The following LAMA2 variants were observed in gnomAD, a reference collection of about 807,000 sequenced individuals.
The protein encoded by LAMA2 is laminin subunit alpha 2, also known as laminin subunit alpha-2.
In LAMA2, 269 loss-of-function variants were observed where a neutral mutation model predicts 364.8. That is an observed-to-expected ratio of 0.74 (90% CI 0.67 to 0.82). The LOEUF is 0.82. Among genes scored for constraint, LAMA2 ranks in the 40% least tolerant of loss-of-function variants. LAMA2 has a pLI of 0.00. For synonymous variants in LAMA2, 1,379 were observed against 1,370.6 expected, an observed-to-expected ratio of 1.01 and a Z score of -0.14; for missense variants, 3,807 against 3,873.2, an observed-to-expected ratio of 0.98 and a Z score of 0.45.
intron 32 of LAMA2, among the ~76,000 whole-genome samples, chr6:129,360,446 C>G (rs1464925678): frequency 6.6e-6 from 1 of 152,048 alleles, no homozygotes; most frequent in Non-Finnish European, 1.5e-5. Context: ...GGGCACTTTC[C>G]CCATGTGTTT....
At chr6:129,143,379 T>C (rs1267216558) in intron 4 of LAMA2, among the ~76,000 whole-genome samples, 2 of 151,982 alleles carry the variant, frequency 1.3e-5, no homozygotes, top group Non-Finnish European at 2.9e-5. Flanking sequence ...TATCTCACTG[T>C]GATGATAGAT....
At chr6:129,009,349 CTG>C (rs1784630913) in intron 1 of LAMA2, among the ~76,000 whole-genome samples, 1 of 151,836 alleles carries the variant, frequency 6.6e-6, no homozygotes, top group Non-Finnish European at 1.5e-5. Context: ...AGTTTTATGA[CTG>C]TTTTTTCAAA....
chr6:129,428,376 G>T (rs940410160), intron 41 of LAMA2, among the ~76,000 whole-genome samples: 2 of 152,224 alleles, frequency 1.3e-5, no homozygotes, highest in African/African-American at 2.4e-5. Context: ...TGAAGTTACC[G>T]TGAGTTGTGA....
chr6:128,890,957 T>G (rs1776417714), intron 1 of LAMA2, among the ~76,000 whole-genome samples: 1 of 152,110 alleles, frequency 6.6e-6, no homozygotes, highest in Admixed American at 6.5e-5. Context: ...TCATTTGAAG[T>G]TGAACTCAGT....
At chr6:129,228,700 C>A (rs1784488360) in intron 12 of LAMA2, among the ~76,000 whole-genome samples, 1 of 152,076 alleles carries the variant, frequency 6.6e-6, no homozygotes, top group Non-Finnish European at 1.5e-5. Context: ...TCTAAAGACT[C>A]CTGTTCTAGG....
chr6:128,912,154 C>A (rs1714421869), intron 1 of LAMA2, among the ~76,000 whole-genome samples: 1 of 152,028 alleles, frequency 6.6e-6, no homozygotes, highest in African/African-American at 2.4e-5. Flanking sequence ...TCATGTTTAT[C>A]TGGGAGTAAA....
At chr6:129,443,173 C>T in intron 44 of LAMA2, 105 bp downstream of exon 44, 2 of 739,408 alleles carry the variant, frequency 2.7e-6, no homozygotes, top group Non-Finnish European at 4.7e-6. Context: ...TTGCTTTAAA[C>T]ATTGCGTAGC....
At chr6:129,189,410 C>T (rs1259865450) in intron 10 of LAMA2, among the ~76,000 whole-genome samples, 1 of 151,912 alleles carries the variant, frequency 6.6e-6, no homozygotes, top group Non-Finnish European at 1.5e-5. Flanking sequence ...TATATCCTTC[C>T]CTGTTTTTCA....
Position 129,098,348 on chromosome 6 carries a change from A to G in LAMA2, c.572A>G (p.Tyr191Cys), listed in dbSNP as rs778267504. 4 of 1,614,056 alleles carry G rather than the reference A, an allele frequency of 2.5e-6. No individual in the cohort carries two copies. The change falls in exon 4 of 65, where the codon TAT (tyrosine) becomes TGT (cysteine). Residue 191 changes from tyrosine to cysteine, a missense_variant. Transcript: ENST00000421865. The part of the protein sequence containing the change: ...NIYPRTGPPS[Y>C]AKDDEVICTS... Reference sequence around the variant, plus strand: ...TATCCCCGCACTGGGCCACCGTCATATGCCAAAGATGATGAGGTCATCTGC... The same window carrying G: ...TATCCCCGCACTGGGCCACCGTCATGTGCCAAAGATGATGAGGTCATCTGC...
intron 12 of LAMA2, among the ~76,000 whole-genome samples, chr6:129,197,902 A>G (rs926128593): frequency 1.3e-5 from 2 of 152,146 alleles, no homozygotes; most frequent in African/African-American, 4.8e-5. Flanking sequence ...CGTTTTTCCT[A>G]ATTAAATTTA....
chr6:129,192,841 T>C lies in LAMA2; in HGVS notation c.1770T>C (p.Tyr590=). Residue 590 remains tyrosine, a synonymous_variant, in exon 12 of 65, where the codon TAT becomes TAC. Coordinates refer to ENST00000421865, the MANE Select transcript of LAMA2 (RefSeq NM_000426.4). ...HSYYWSAPAP[Y]LGNKLPAVGG... is the part of the protein sequence containing the mutation. ...ACTACTGGAGCGCGCCGGCTCCCTA[T>C]CTGGGAAACAAAGTAAGTCCACGCT... is the stretch of plus-strand genomic sequence containing the variant. The C allele has an allele frequency of 6.2e-7, 1 of 1,613,966 alleles. No homozygotes were observed. The highest frequency in any genetic ancestry group is 1.1e-5 in the South Asian group (1 of 91,068).
intron 29 of LAMA2, among the ~76,000 whole-genome samples, chr6:129,339,266 T>C (rs960221166): frequency 6.6e-5 from 10 of 152,204 alleles, no homozygotes; most frequent in African/African-American, 2.4e-4. Context: ...ATGGAACTGA[T>C]GATCTAATGG....
At chr6:129,253,859 G>A (rs953603524) in intron 14 of LAMA2, among the ~76,000 whole-genome samples, 5 of 152,116 alleles carry the variant, frequency 3.3e-5, no homozygotes, top group Admixed American at 6.5e-5. Context: ...CATTCACAGC[G>A]CGGCTCTGTG....
At position 129,431,213 on chromosome 6, in the gene LAMA2, G is replaced by C. The variant is rs772703774; in HGVS notation, c.5968+3359G>C. Among the ~76,000 whole-genome samples the C allele has an allele frequency of 1.3e-3, 203 of 152,064 alleles. 1 individual carries two copies. The highest frequency in any genetic ancestry group is 2.4e-3 in the Non-Finnish European group (162 of 67,968). ...AAGGAGTTTGAGACCAGCATGGCCA[G>C]CGTGGTGAAACCCTGTCTCTACTAA... is the stretch of plus-strand genomic sequence containing the variant. On this transcript the variant is annotated intron_variant, in intron 41 of 64. Transcript: ENST00000421865.
At chr6:129,200,460 A>G (rs1313808306) in intron 12 of LAMA2, among the ~76,000 whole-genome samples, 98 of 149,484 alleles carry the variant, frequency 6.6e-4, no homozygotes, top group African/African-American at 2.2e-3. Flanking sequence ...ATATATATAC[A>G]TGTACACATA....
At chr6:129,466,948 A>G (rs1783573336) in intron 51 of LAMA2, among the ~76,000 whole-genome samples, 1 of 151,872 alleles carries the variant, frequency 6.6e-6, no homozygotes, top group South Asian at 2.1e-4. Context: ...AAGTTTCTTT[A>G]GCAGCAGTTT....
At chr6:129,439,852 A>ATATC (rs1340379786) in intron 42 of LAMA2, among the ~76,000 whole-genome samples, 1 of 145,526 alleles carries the variant, frequency 6.9e-6, no homozygotes, top group Admixed American at 6.8e-5. Context: ...ATATATATCT[A>ATATC]TCTCAATTGG....
intron 1 of LAMA2, among the ~76,000 whole-genome samples, chr6:128,967,310 A>T (rs981464514): frequency 6.6e-6 from 1 of 152,230 alleles, no homozygotes; most frequent in Non-Finnish European, 1.5e-5. Flanking sequence ...AAGTTCTAAA[A>T]GGAAAAGAAA....
chr6:128,917,888 C>A (rs1395186046), intron 1 of LAMA2, among the ~76,000 whole-genome samples: 1 of 151,610 alleles, frequency 6.6e-6, no homozygotes, highest in Non-Finnish European at 1.5e-5. Context: ...CTCTTGCCAC[C>A]CCACCTGGCT....
Sources: gnomAD v4.1 joint callset for allele counts (sites outside exome capture counted in the v4.1 genomes callset) on GRCh38, gnomAD v4.1.1 for gene constraint, MANE v1.5 for transcripts, NCBI Gene and HGNC (gene_info 2026-07-23, HGNC 2026-07-21) for gene names.